The following SPART variants were observed in gnomAD, a reference collection of about 807,000 sequenced individuals.
SPART encodes the protein spartin, also known as spastic paraplegia 20 (Troyer syndrome).
A neutral mutation model predicts 58.7 loss-of-function variants in SPART; 35 were observed. The observed-to-expected ratio is 0.60, with a 90% CI of 0.46 to 0.79. The LOEUF (loss-of-function observed/expected upper bound fraction) is 0.79. Ranked by LOEUF, SPART falls within the 30% of genes least tolerant of loss-of-function variation. The pLI is 0.00. For synonymous variants in SPART, 284 were observed against 280.7 expected, an observed-to-expected ratio of 1.01 and a Z score of -0.12; for missense variants, 730 against 786.1, an observed-to-expected ratio of 0.93 and a Z score of 0.85.
At chr13:36,315,773 G>A (rs1260733647) in intron 5 of SPART, among the ~76,000 whole-genome samples, 1 of 152,038 alleles carries the variant, frequency 6.6e-6, no homozygotes, top group African/African-American at 2.4e-5. Context: ...GAAACCAGCT[G>A]AACATGAAGA....
chr13:36,339,714 A>C (rs1244087873), intron 1 of SPART, among the ~76,000 whole-genome samples: 1 of 151,934 alleles, frequency 6.6e-6, no homozygotes, highest in African/African-American at 2.4e-5. Flanking sequence ...GGGATGAAAG[A>C]ATTAAAGAAA....
At chr13:36,326,549 GA>G in intron 5 of SPART, 25 bp downstream of exon 5, 3 of 1,612,122 alleles carry the variant, frequency 1.9e-6, no homozygotes, top group African/African-American at 1.3e-5. Context: ...GTCATACAGG[GA>G]AAAAAATTAA....
intron 2 of SPART, among the ~76,000 whole-genome samples, chr13:36,332,465 C>T (rs548253022): frequency 1.3e-4 from 20 of 152,256 alleles, no homozygotes; most frequent in African/African-American, 4.6e-4. Context: ...GATTGTGCCA[C>T]TGCACTCCAG....
At chr13:36,326,765 T>C in intron 4 of SPART, 67 bp from the exon 5 acceptor site, 1 of 1,547,330 alleles carries the variant, frequency 6.5e-7, no homozygotes, top group Non-Finnish European at 8.9e-7. Flanking sequence ...GTAAGCATTA[T>C]ATAACAAATA....
At chr13:36,353,063 C>A (rs1885482302) in intron 1 of SPART, among the ~76,000 whole-genome samples, 1 of 152,150 alleles carries the variant, frequency 6.6e-6, no homozygotes, top group Non-Finnish European at 1.5e-5. Context: ...TTTGAGGTTG[C>A]TTTTGCTGTT....
intron 4 of SPART, among the ~76,000 whole-genome samples, chr13:36,328,111 T>C (rs886858810): frequency 6.6e-6 from 1 of 152,222 alleles, no homozygotes; most frequent in Non-Finnish European, 1.5e-5. Context: ...TTTGGTTTCT[T>C]GTGATTAATT....
intron 1 of SPART, among the ~76,000 whole-genome samples, chr13:36,361,464 G>A (rs1214986275): frequency 6.6e-6 from 1 of 152,094 alleles, no homozygotes; most frequent in East Asian, 1.9e-4. Flanking sequence ...GAGTGCAATG[G>A]TGTGCTCTCA....
intron 1 of SPART, among the ~76,000 whole-genome samples, chr13:36,342,400 T>C (rs760645230): frequency 3.9e-5 from 6 of 152,168 alleles, no homozygotes; most frequent in Admixed American, 2.6e-4. Context: ...AGATCATACA[T>C]GGCCCCAAAA....
chr13:36,330,457 C>T (rs1425757011), intron 3 of SPART, among the ~76,000 whole-genome samples: 3 of 151,626 alleles, frequency 2.0e-5, no homozygotes, highest in African/African-American at 7.3e-5. Context: ...CACACACATC[C>T]CCCACACCTT....
In SPART at chr13:36,325,171, T is replaced by C. The variant is rs1026144023; in HGVS notation, c.1288+1404A>G. On this transcript the variant is annotated intron_variant, in intron 5 of 8. Transcript: ENST00000438666. ...AACTTGGGAAAACGACCTTTGAATT[T>C]AGTGTGTTGGGGTAACAAGCAAGTT... 1.3e-5 allele frequency among the ~76,000 whole-genome samples: 2 copies of C among 152,180 alleles called. 1 individual carries two copies. The highest frequency in any genetic ancestry group is 4.1e-4 in the South Asian group (2 of 4,830).
In SPART at chr13:36,335,394, G is replaced by A; in HGVS notation, c.437C>T (p.Ser146Leu). ...PQHAEVNGNT[S>L]TPSAGAVAAP... is the part of the protein sequence containing the mutation. ...AGCAACTGCCCCTGCACTTGGAGTT[G>A]AGGTGTTTCCATTTACTTCAGCATG... The change falls in exon 2 of 9, where the codon TCA becomes TTA. Residue 146 changes from serine to leucine, a missense_variant. Physicochemically the swap from Ser to Leu is moderately radical, Grantham distance 145. Transcript: ENST00000438666. 1 of 1,614,094 alleles carries A rather than the reference G, an allele frequency of 6.2e-7. No homozygotes were observed. Among genetic ancestry groups the A allele is most frequent in the African/African-American group, 1.3e-5 (1 of 75,036 alleles).
chr13:36,348,532 C>CT (rs1885283916), upstream of SPART, among the ~76,000 whole-genome samples: 3 of 152,112 alleles, frequency 2.0e-5, no homozygotes, highest in African/African-American at 7.2e-5. Flanking sequence ...AACAGGTCAA[C>CT]ATACAGAAAT....
At chr13:36,313,669 T>C (rs1881362905) in intron 6 of SPART, among the ~76,000 whole-genome samples, 1 of 152,204 alleles carries the variant, frequency 6.6e-6, no homozygotes, top group South Asian at 2.1e-4. Context: ...GTGTTACAAT[T>C]TCCTATAGTA....
intron 4 of SPART, among the ~76,000 whole-genome samples, chr13:36,328,882 A>T (rs181136711): frequency 6.6e-6 from 1 of 152,230 alleles, no homozygotes; most frequent in African/African-American, 2.4e-5. Context: ...TAGTGAATAT[A>T]GGAAGGCAGA....
At chr13:36,353,423 CA>C (rs1343527860) in intron 1 of SPART, among the ~76,000 whole-genome samples, 2 of 152,116 alleles carry the variant, frequency 1.3e-5, no homozygotes, top group East Asian at 3.9e-4. Flanking sequence ...GCCCTCCAGC[CA>C]AATACAACCA....
chr13:36,356,507 C>G (rs1025920053), intron 1 of SPART, among the ~76,000 whole-genome samples: 1 of 152,218 alleles, frequency 6.6e-6, no homozygotes, highest in Non-Finnish European at 1.5e-5. Context: ...ATCCAGACAG[C>G]CTGCCCTTTC....
intron 1 of SPART, among the ~76,000 whole-genome samples, chr13:36,341,437 C>CT (rs1028403177): frequency 2.6e-5 from 4 of 151,986 alleles, no homozygotes; most frequent in African/African-American, 4.8e-5. Context: ...TTTTAGCTTT[C>CT]TTTTTTTTGG....
At chr13:36,369,065 C>T (rs1253760414) in intron 1 of SPART, among the ~76,000 whole-genome samples, 1 of 152,144 alleles carries the variant, frequency 6.6e-6, no homozygotes, top group Non-Finnish European at 1.5e-5. Context: ...CTATTTTTCT[C>T]AAAAATTAAA....
At chr13:36,311,562 T>C (rs932891490) in intron 8 of SPART, among the ~76,000 whole-genome samples, 8 of 152,160 alleles carry the variant, frequency 5.3e-5, no homozygotes, top group Admixed American at 5.2e-4. Context: ...AGTCAGTTAA[T>C]AAGGTATACA....
Sources: allele counts gnomAD v4.1 joint callset (sites outside exome capture counted in the v4.1 genomes callset), GRCh38; gene constraint gnomAD v4.1.1; transcripts MANE v1.5; gene names NCBI Gene and HGNC (gene_info 2026-07-23, HGNC 2026-07-21).